Variants in LENG8 observed in about 807,000 individuals in gnomAD.
LENG8 encodes the protein leukocyte receptor cluster member 8, also known as leukocyte receptor cluster (LRC) member 8.
LENG8 carries 28 observed loss-of-function variants against 102.1 expected under a neutral mutation model. That is an observed-to-expected ratio of 0.27 (90% CI 0.20 to 0.38). The LOEUF (loss-of-function observed/expected upper bound fraction) is 0.38, where lower values mean the gene tolerates loss of function less well. Among genes scored for constraint, LENG8 ranks in the 10% least tolerant of loss-of-function variants. The pLI is 1.00. For missense variants in LENG8, 1,022 were observed against 1,113.9 expected, an observed-to-expected ratio of 0.92 and a Z score of 1.17; for synonymous variants, 531 against 456.7, an observed-to-expected ratio of 1.16 and a Z score of -2.07.
Position 54,461,294 on chromosome 19 carries a change from CG to C in LENG8, c.*372del, listed in dbSNP as rs542930989. ...CCCGGCGCCCTGGCCCATCCCATGC[CG>C]GGGGGCCAGTGGAAAGAAGACAGGC... is the stretch of plus-strand genomic sequence containing the variant. On this transcript the variant is annotated 3_prime_UTR_variant, in exon 16 of 16. Transcript: ENST00000326764. 6 of 468,798 alleles carry C rather than the reference CG, an allele frequency of 1.3e-5. No individual in the cohort carries two copies. The highest frequency in any genetic ancestry group is 4.0e-5 in the African/African-American group (2 of 50,506). The allele number at this position is 468,798 out of a possible 1,614,324, so 29.0% of individuals were successfully genotyped here. A position where few individuals can be genotyped will look rare whatever the true frequency, so the allele number is the denominator to read the frequency against.
In LENG8 at chr19:54,456,636, G is replaced by A. The variant is rs545405531; in HGVS notation, c.1446G>A (p.Arg482=). 2.5e-6 allele frequency: 4 copies of A among 1,607,918 alleles called. No homozygotes were observed. The highest frequency in any genetic ancestry group is 2.7e-5 in the African/African-American group (2 of 74,866). ...RGRGRAQRGK[R]HDLAPTKRSR... is the part of the protein sequence containing the mutation. ...CTCACTGCCCCTCATCCCTTCCTAGGCACGATCTGGCGCCCACCAAGCGCA... is the reference window on the plus strand; with the variant it reads ...CTCACTGCCCCTCATCCCTTCCTAGACACGATCTGGCGCCCACCAAGCGCA... The change falls in exon 11 of 16, where the codon AGG becomes AGA. Residue 482 remains arginine, a splice_region_variant and synonymous_variant. Coordinates refer to ENST00000326764, the MANE Select transcript of LENG8 (RefSeq NM_052925.4).
intron 9 of LENG8, 38 bp downstream of exon 9, chr19:54,456,283 G>C (rs372722381): frequency 5.5e-5 from 89 of 1,614,002 alleles, no homozygotes; most frequent in Non-Finnish European, 6.8e-5. Flanking sequence ...TGTGAGGGAG[G>C]GGGAGGCGTT....
Position 54,454,637 on chromosome 19 carries a change from C to T in LENG8, c.634C>T (p.Pro212Ser), listed in dbSNP as rs1947934137. 9.3e-6 allele frequency: 15 copies of T among 1,607,340 alleles called. No homozygotes were observed. In the East Asian group the frequency reaches 3.1e-4, roughly 34 times the overall value. The change falls in exon 6 of 16, where the codon CCT becomes TCT. Residue 212 changes from proline (P) to serine (S), a missense_variant. Physicochemically the swap from Pro to Ser is moderately conservative, Grantham distance 74. This residue lies in a region of LENG8 where 343 missense variants were observed against 320.2 expected (regional missense o/e 1.07). Transcript: ENST00000326764. Reference protein sequence around the residue: ...QAYGPHTYTEPAKPKKGQQLW... With the variant: ...QAYGPHTYTESAKPKKGQQLW... The stretch of plus-strand genomic sequence containing the variant: ...CTATGGGCCACACACCTACACCGAA[C>T]CTGCCAAGCCCAAGAAGGGCCAACA...
chr19:54,461,982 TGA>T lies in LENG8; in HGVS notation c.*1059_*1060del, dbSNP rs1729298636. 1.5e-6 allele frequency: 2 copies of T among 1,309,170 alleles called. No homozygotes were observed. Among genetic ancestry groups the T allele is most frequent in the Non-Finnish European group, 2.2e-6 (2 of 929,006 alleles). The allele number at this position is 1,309,170 out of a possible 1,614,324, so 81.1% of individuals were successfully genotyped here. A position where few individuals can be genotyped will look rare whatever the true frequency, so the allele number is the denominator to read the frequency against. ...GAGCACTGAGCACCATTTGGAAGCT[TGA>T]GAGAAACCAAAATTAAAGAGAGAAA... is the stretch of plus-strand genomic sequence containing the variant. On this transcript the variant is annotated 3_prime_UTR_variant, in exon 16 of 16. Coordinates refer to ENST00000326764, the MANE Select transcript of LENG8 (RefSeq NM_052925.4).
At chr19:54,452,059 A>C in intron 2 of LENG8, 34 bp from the exon 3 acceptor site, 2 of 1,584,656 alleles carry the variant, frequency 1.3e-6, no homozygotes, top group African/African-American at 1.3e-5. Flanking sequence ...CAGTGGGGAG[A>C]ACAGGTGTGA....
At chr19:54,460,719 G>GGGCCCCA in intron 15 of LENG8, 47 bp from the exon 16 acceptor site, 2 of 778,916 alleles carry the variant, frequency 2.6e-6, no homozygotes, top group Non-Finnish European at 3.6e-6. Flanking sequence ...GCCCTCCCCT[G>GGGCCCCA]CCCTCCCGCC....
At position 54,461,948 on chromosome 19, in the gene LENG8, C is replaced by T. The variant is rs978427275; in HGVS notation, c.*1020C>T. 3.4e-5 allele frequency: 35 copies of T among 1,024,336 alleles called. 1 individual carries two copies. The Admixed American group carries it at 5.9e-4, about 17-fold the overall frequency. The allele number at this position is 1,024,336 out of a possible 1,614,324, so 63.5% of individuals were successfully genotyped here. On this transcript the variant is annotated 3_prime_UTR_variant, in exon 16 of 16. Transcript: ENST00000326764. Reference sequence around the variant, plus strand: ...TCCCCTCCTTTTCCTTCCTTCCTTCCTTTCCTTGGAGCACTGAGCACCATT... The same window carrying T: ...TCCCCTCCTTTTCCTTCCTTCCTTCTTTTCCTTGGAGCACTGAGCACCATT...
intron 7 of LENG8, 123 bp downstream of exon 7, chr19:54,455,215 C>G: frequency 9.9e-6 from 15 of 1,507,816 alleles, no homozygotes; most frequent in Non-Finnish European, 1.4e-5. Context: ...GGCAGAAGGA[C>G]CCTCTCTTGG....
intron 4 of LENG8, 75 bp from the exon 5 acceptor site, chr19:54,453,471 T>A: frequency 1.2e-6 from 1 of 862,104 alleles, no homozygotes; most frequent in Non-Finnish European, 1.9e-6. Context: ...TCATGGCTGG[T>A]GTAGTTCCTG....
intron 1 of LENG8, among the ~76,000 whole-genome samples, chr19:54,450,765 C>T (rs1257410016): frequency 6.6e-6 from 1 of 152,114 alleles, no homozygotes; most frequent in African/African-American, 2.4e-5. Context: ...GGATTACAGG[C>T]ATATGCCACC....
intron 15 of LENG8, 134 bp downstream of exon 15, chr19:54,458,655 T>A (rs2123186223): frequency 6.4e-7 from 1 of 1,553,876 alleles, no homozygotes; most frequent in South Asian, 1.2e-5. Context: ...CCCCATCATC[T>A]TTCTCCATTC....
In LENG8 at chr19:54,460,710, C is replaced by G. The variant is rs2084493131; in HGVS notation, c.2241-56C>G. 6 of 1,424,286 alleles carry G rather than the reference C, an allele frequency of 4.2e-6. No homozygotes were observed. In the East Asian group the frequency reaches 1.6e-4, roughly 38 times the overall value. The allele number at this position is 1,424,286 out of a possible 1,614,324, so 88.2% of individuals were successfully genotyped here. A position where few individuals can be genotyped will look rare whatever the true frequency, so the allele number is the denominator to read the frequency against. On this transcript the variant is annotated intron_variant, in intron 15 of 15. Coordinates refer to ENST00000326764, the MANE Select transcript of LENG8 (RefSeq NM_052925.4). ...TGGGGGGGCCTCCCCGCTCGTGGGG[C>G]CCTCCCCTGCCCTCCCGCCCGCCCG...
intron 15 of LENG8, 136 bp downstream of exon 15, chr19:54,458,657 TCTCCATTCAGCCCTCCCCTCTC>T (rs1447556352): frequency 5.2e-6 from 8 of 1,553,276 alleles, no homozygotes; most frequent in Non-Finnish European, 7.0e-6. Flanking sequence ...CCATCATCTT[TCTCCATTCAGCCCTCCCCTCTC>T]CAGTTCCTCT....
At position 54,460,043 on chromosome 19, in the gene LENG8, C is replaced by G; in HGVS notation, c.2241-723C>G. On this transcript the variant is annotated intron_variant, in intron 15 of 15. Coordinates refer to ENST00000326764, the MANE Select transcript of LENG8 (RefSeq NM_052925.4). ...GTCATTGACCTCATTGTGTCAGCAC[C>G]TTCCCCCCAAGGAGGCTGACCCTGC... 4 of 1,285,662 alleles carry G rather than the reference C, an allele frequency of 3.1e-6. No individual in the cohort carries two copies. In the South Asian group the frequency reaches 5.0e-5, roughly 16 times the overall value. The allele number at this position is 1,285,662 out of a possible 1,614,324, so 79.6% of individuals were successfully genotyped here.
intron 15 of LENG8, chr19:54,460,336 T>C (rs1385777670): frequency 2.5e-6 from 3 of 1,212,662 alleles, no homozygotes; most frequent in Non-Finnish European, 3.2e-6. Flanking sequence ...GAGTGCTAGC[T>C]GGCACCCCTG....
intron 15 of LENG8, chr19:54,459,167 T>C (rs2084406152): frequency 1.6e-6 from 2 of 1,227,130 alleles, no homozygotes; most frequent in Non-Finnish European, 2.0e-6. Context: ...CAGGCGACGC[T>C]GGGCAATGTC....
Position 54,456,234 on chromosome 19 carries a change from C to G in LENG8, c.1293C>G (p.His431Gln). 1 of 1,613,630 alleles carries G rather than the reference C, an allele frequency of 6.2e-7. No homozygotes were observed. The highest frequency in any genetic ancestry group is 8.5e-7 in the Non-Finnish European group (1 of 1,179,734). The change falls in exon 9 of 16, where the codon CAC (histidine) becomes CAG (glutamine). Residue 431 changes from histidine (H) to glutamine (Q), a missense_variant. By Grantham distance (24) the His-to-Gln change is conservative. This residue lies in a region of LENG8 where 326 missense variants were observed against 324.5 expected (regional missense o/e 1.00). Coordinates refer to ENST00000326764, the MANE Select transcript of LENG8 (RefSeq NM_052925.4). Reference sequence around the variant, plus strand: ...CCTCCTCCAGGTCCCCGACGCGCCACTTCCGCAGAAGGTACTGAGGCTCCC... The same window carrying G: ...CCTCCTCCAGGTCCCCGACGCGCCAGTTCCGCAGAAGGTACTGAGGCTCCC... ...SRSSSRSPTR[H>Q]FRRSDSHSDS...
chr19:54,450,887 T>C (rs1350209741), intron 1 of LENG8, among the ~76,000 whole-genome samples: 3 of 152,216 alleles, frequency 2.0e-5, no homozygotes, highest in Non-Finnish European at 2.9e-5. Flanking sequence ...CTCAAAGTGC[T>C]GGGATTACAG....
At chr19:54,459,369 G>T in intron 15 of LENG8, 1 of 996,600 alleles carries the variant, frequency 1.0e-6, no homozygotes, top group Middle Eastern at 5.2e-4. Flanking sequence ...GTCCACGTGA[G>T]GTCATAGTCA....
Sources: allele counts gnomAD v4.1 joint callset (sites outside exome capture counted in the v4.1 genomes callset), GRCh38; gene constraint gnomAD v4.1.1; regional missense constraint gnomAD v4.1.1; transcripts MANE v1.5; gene names NCBI Gene and HGNC (gene_info 2026-07-23, HGNC 2026-07-21).